Variants in DOCK7 observed in about 807,000 individuals in gnomAD.
DOCK7 encodes dedicator of cytokinesis protein 7.
A neutral mutation model predicts 271.0 loss-of-function variants in DOCK7; 138 were observed. The ratio of observed to expected loss-of-function variants is 0.51; its 90% CI spans 0.44 to 0.59. The LOEUF (loss-of-function observed/expected upper bound fraction) is 0.59. DOCK7 is among the 20% of genes least tolerant of loss of function. DOCK7 has a pLI of 0.00. For synonymous variants in DOCK7, 823 were observed against 876.1 expected (o/e 0.94, Z 1.07); for missense variants, 2,066 against 2,592.4 (o/e 0.80, Z 4.41).
intron 2 of DOCK7, among the ~76,000 whole-genome samples, chr1:62,656,021 C>T (rs868437506): frequency 2.6e-5 from 4 of 152,278 alleles, no homozygotes; most frequent in African/African-American, 7.2e-5. Flanking sequence ...AGCCTTCTAC[C>T]TTACCTATCT....
intron 48 of DOCK7, among the ~76,000 whole-genome samples, chr1:62,470,819 A>G (rs1397239548): frequency 6.6e-6 from 1 of 152,022 alleles, no homozygotes; most frequent in African/African-American, 2.4e-5. Flanking sequence ...AAACTTACTC[A>G]TGTAACCAAA....
intron 6 of DOCK7, 21 bp from the exon 7 acceptor site, chr1:62,647,797 C>T (rs1461808586): frequency 2.6e-6 from 4 of 1,521,084 alleles, no homozygotes; most frequent in Non-Finnish European, 1.8e-6. Context: ...AAAAGCAACA[C>T]CAAAATGAAT....
At chr1:62,518,000 A>G (rs1344447393) in intron 31 of DOCK7, among the ~76,000 whole-genome samples, 1 of 152,246 alleles carries the variant, frequency 6.6e-6, no homozygotes, top group Non-Finnish European at 1.5e-5. Context: ...GACTGCTATG[A>G]CATTACAGAC....
At chr1:62,666,412 AT>A (rs1553201355) in intron 1 of DOCK7, among the ~76,000 whole-genome samples, 1 of 152,152 alleles carries the variant, frequency 6.6e-6, no homozygotes, top group Non-Finnish European at 1.5e-5. Flanking sequence ...CATGACATTA[AT>A]TTCCCCCCAA....
intron 22 of DOCK7, among the ~76,000 whole-genome samples, chr1:62,545,379 A>G (rs1457176696): frequency 3.3e-5 from 5 of 152,148 alleles, no homozygotes; most frequent in Admixed American, 1.3e-4. Flanking sequence ...GCAACAGGTA[A>G]TTTCCTCTGT....
intron 44 of DOCK7, among the ~76,000 whole-genome samples, chr1:62,476,756 T>C (rs1294854293): frequency 6.6e-6 from 1 of 152,022 alleles, no homozygotes; most frequent in Admixed American, 6.6e-5. Flanking sequence ...AAAGGAAAAA[T>C]CGAATTTGAA....
chr1:62,499,417 G>A (rs1269378494), intron 37 of DOCK7, among the ~76,000 whole-genome samples: 2 of 152,180 alleles, frequency 1.3e-5, no homozygotes, highest in Non-Finnish European at 2.9e-5. Flanking sequence ...TTATCAAAAT[G>A]AGGAGTCAGA....
chr1:62,671,960 T>C (rs1660060758), intron 1 of DOCK7, among the ~76,000 whole-genome samples: 1 of 49,854 alleles, frequency 2.0e-5, no homozygotes, highest in Admixed American at 3.3e-4. Flanking sequence ...TTTTCCAAAA[T>C]GAAGACAAAA....
intron 41 of DOCK7, 25 bp downstream of exon 41, chr1:62,492,679 A>G: frequency 1.2e-6 from 2 of 1,612,972 alleles, no homozygotes; most frequent in Non-Finnish European, 1.7e-6. Flanking sequence ...AAACTGTGGG[A>G]AAAGAATTAA....
intron 8 of DOCK7, chr1:62,635,607 A>G (rs891673087): frequency 2.6e-5 from 4 of 152,132 alleles, no homozygotes; most frequent in Non-Finnish European, 4.4e-5. Context: ...TTCCAAAGTG[A>G]CTTTTAAAAA....
At chr1:62,535,671 T>G in intron 28 of DOCK7, 39 bp from the exon 29 acceptor site, 2 of 1,594,114 alleles carry the variant, frequency 1.3e-6, no homozygotes, top group Non-Finnish European at 1.7e-6. Context: ...ATAACAGCAG[T>G]GCAACAAAGC....
At chr1:62,498,172 G>T (rs989344247) in intron 37 of DOCK7, among the ~76,000 whole-genome samples, 6 of 152,038 alleles carry the variant, frequency 3.9e-5, no homozygotes, top group African/African-American at 1.2e-4. Context: ...GAGCAAAGGA[G>T]TTCAAAGCTG....
chr1:62,581,449 G>A (rs1647118246), intron 16 of DOCK7, among the ~76,000 whole-genome samples: 1 of 152,026 alleles, frequency 6.6e-6, no homozygotes, highest in Non-Finnish European at 1.5e-5. Flanking sequence ...AAAGACATAG[G>A]GTCAGGACAA....
At chr1:62,568,451 C>A (rs985448576) in intron 18 of DOCK7, among the ~76,000 whole-genome samples, 4 of 137,378 alleles carry the variant, frequency 2.9e-5, no homozygotes, top group Non-Finnish European at 6.2e-5. Context: ...CAGGCACGTG[C>A]CACCATGCCA....
intron 48 of DOCK7, 36 bp from the exon 49 acceptor site, chr1:62,457,741 T>C: frequency 6.3e-7 from 1 of 1,598,050 alleles, no homozygotes; most frequent in Non-Finnish European, 8.5e-7. Context: ...ATATTACTTC[T>C]GGCATAGTTT....
At chr1:62,557,074 T>C (rs1646168800) in intron 20 of DOCK7, among the ~76,000 whole-genome samples, 1 of 151,232 alleles carries the variant, frequency 6.6e-6, no homozygotes, top group African/African-American at 2.4e-5. Context: ...TCTTTTTTTT[T>C]TTTTTTTAAG....
chr1:62,553,881 C>T (rs577682280), intron 21 of DOCK7, among the ~76,000 whole-genome samples: 1 of 152,078 alleles, frequency 6.6e-6, no homozygotes, highest in East Asian at 1.9e-4. Flanking sequence ...ACACGCAGCC[C>T]TTTCACTTCG....
intron 14 of DOCK7, among the ~76,000 whole-genome samples, chr1:62,596,085 A>G (rs1474939684): frequency 6.6e-6 from 1 of 152,206 alleles, no homozygotes; most frequent in Non-Finnish European, 1.5e-5. Flanking sequence ...ACCCACACAC[A>G]TACACAGGTT....
At chr1:62,477,900 T>C in intron 43 of DOCK7, 75 bp from the exon 44 acceptor site, 1 of 1,433,142 alleles carries the variant, frequency 7.0e-7, no homozygotes, top group Non-Finnish European at 9.2e-7. Flanking sequence ...ATGTTTAGAT[T>C]GTTACAGCAT....
Sources: gnomAD v4.1 joint callset for allele counts (sites outside exome capture counted in the v4.1 genomes callset) on GRCh38, gnomAD v4.1.1 for gene constraint, MANE v1.5 for transcripts, NCBI Gene and HGNC (gene_info 2026-07-23, HGNC 2026-07-21) for gene names.